BMPR1B: variants seen among roughly 807,000 people sequenced by gnomAD.
BMPR1B encodes the protein bone morphogenetic protein receptor type 1B, also known as bone morphogenetic protein receptor type-1B.
A neutral mutation model predicts 59.1 loss-of-function variants in BMPR1B; 12 were observed. That is an observed-to-expected ratio of 0.20 (90% CI 0.13 to 0.33). The LOEUF (loss-of-function observed/expected upper bound fraction) is 0.33, where lower values mean the gene tolerates loss of function less well. Among genes scored for constraint, BMPR1B ranks in the 10% least tolerant of loss-of-function variants. The pLI is 1.00. For missense variants in BMPR1B, 550 were observed against 610.9 expected, an observed-to-expected ratio of 0.90 and a Z score of 1.05; for synonymous variants, 237 against 207.3, an observed-to-expected ratio of 1.14 and a Z score of -1.23.
intron 2 of BMPR1B, among the ~76,000 whole-genome samples, chr4:94,988,094 A>G (rs1002295470): frequency 6.6e-6 from 1 of 152,294 alleles, no homozygotes; most frequent in East Asian, 1.9e-4. Flanking sequence ...ACTTACAGGT[A>G]TATGATGATT....
At chr4:94,826,951 CATA>C (rs573219206) in intron 1 of BMPR1B, among the ~76,000 whole-genome samples, 83 of 152,132 alleles carry the variant, frequency 5.5e-4, no homozygotes, top group Non-Finnish European at 8.8e-4. Flanking sequence ...AAACTTGCAG[CATA>C]ATACTACTTT....
At chr4:95,132,690 A>T (rs528809202) in intron 10 of BMPR1B, among the ~76,000 whole-genome samples, 1 of 152,130 alleles carries the variant, frequency 6.6e-6, no homozygotes, top group East Asian at 1.9e-4. Flanking sequence ...ATGCTTCTTA[A>T]ATTACCAGCC....
At chr4:94,857,880 T>C (rs961764920) in intron 1 of BMPR1B, among the ~76,000 whole-genome samples, 1 of 152,256 alleles carries the variant, frequency 6.6e-6, no homozygotes, top group African/African-American at 2.4e-5. Context: ...GACAAAAATA[T>C]ATTTTTGAAA....
intron 1 of BMPR1B, among the ~76,000 whole-genome samples, chr4:94,851,928 G>C (rs115206019): frequency 6.6e-6 from 1 of 152,100 alleles, no homozygotes; most frequent in South Asian, 2.1e-4. Context: ...CGTACACTCA[G>C]TGCCTGGCAT....
At chr4:95,114,533 T>C (rs1222784190) in intron 4 of BMPR1B, among the ~76,000 whole-genome samples, 187 bp from the exon 5 acceptor site, 3 of 152,188 alleles carry the variant, frequency 2.0e-5, no homozygotes, top group African/African-American at 7.2e-5. Flanking sequence ...TTTTTATGTT[T>C]ATTAAATCCA....
chr4:95,094,755 G>A (rs946527679), intron 3 of BMPR1B, among the ~76,000 whole-genome samples: 1 of 152,060 alleles, frequency 6.6e-6, no homozygotes, highest in Non-Finnish European at 1.5e-5. Context: ...CCACTGCTCA[G>A]TGACCATACC....
chr4:94,820,293 A>G (rs1388054973), intron 1 of BMPR1B, among the ~76,000 whole-genome samples: 1 of 152,208 alleles, frequency 6.6e-6, no homozygotes, highest in Non-Finnish European at 1.5e-5. Context: ...ATCAGTTATT[A>G]TTAAATGAAC....
At chr4:95,050,724 A>G (rs1726439035) in intron 3 of BMPR1B, among the ~76,000 whole-genome samples, 1 of 152,234 alleles carries the variant, frequency 6.6e-6, no homozygotes, top group South Asian at 2.1e-4. Flanking sequence ...CCTTTATCAG[A>G]CAAACTGATG....
intron 3 of BMPR1B, among the ~76,000 whole-genome samples, chr4:95,073,302 C>A (rs1227365206): frequency 6.6e-6 from 1 of 152,152 alleles, no homozygotes; most frequent in Non-Finnish European, 1.5e-5. Flanking sequence ...AACTAGGAAA[C>A]ATTCAAGGCT....
intron 6 of BMPR1B, among the ~76,000 whole-genome samples, chr4:95,120,610 T>TTTCCTTCCTTTCTTCCTTCC (rs1553940470): frequency 2.4e-5 from 3 of 122,586 alleles, no homozygotes; most frequent in African/African-American, 8.9e-5. Flanking sequence ...ATAGCCTGCC[T>TTTCCTTCCTTTCTTCCTTCC]TTCCTTCCTT....
chr4:94,932,475 A>G (rs748697526), intron 2 of BMPR1B, among the ~76,000 whole-genome samples: 3 of 152,194 alleles, frequency 2.0e-5, no homozygotes, highest in Admixed American at 2.0e-4. Context: ...ATGCTATTTT[A>G]AAAAACTTGC....
At chr4:95,041,624 T>G (rs1205110815) in intron 3 of BMPR1B, among the ~76,000 whole-genome samples, 1 of 151,606 alleles carries the variant, frequency 6.6e-6, no homozygotes, top group Non-Finnish European at 1.5e-5. Context: ...TTTTTTTTTT[T>G]GGCCCCAGAT....
intron 3 of BMPR1B, among the ~76,000 whole-genome samples, chr4:95,077,728 A>T (rs1025795556): frequency 6.6e-6 from 1 of 152,210 alleles, no homozygotes; most frequent in Non-Finnish European, 1.5e-5. Context: ...TATTAAATGT[A>T]TGCCAGTTTT....
intron 2 of BMPR1B, among the ~76,000 whole-genome samples, chr4:94,928,732 A>G (rs1728984666): frequency 6.6e-6 from 1 of 152,010 alleles, no homozygotes; most frequent in African/African-American, 2.4e-5. Context: ...ATTTTTGCTC[A>G]TTGGTCTTTG....
At chr4:94,970,292 T>A in intron 2 of BMPR1B, among the ~76,000 whole-genome samples, 1 of 47,462 alleles carries the variant, frequency 2.1e-5, no homozygotes, top group Non-Finnish European at 5.4e-5. Flanking sequence ...TTCTCTTCTC[T>A]TCTCTTCTCT....
intron 3 of BMPR1B, among the ~76,000 whole-genome samples, chr4:95,009,952 C>T (rs4699828): frequency 0.96 from 145,550 of 152,254 alleles, 69,602 homozygotes; most frequent in Middle Eastern, 0.99. Context: ...TACAACCGAG[C>T]GAGACCAAAT....
At chr4:95,012,393 CAGAA>C (rs1180692231) in intron 3 of BMPR1B, among the ~76,000 whole-genome samples, 1 of 152,110 alleles carries the variant, frequency 6.6e-6, no homozygotes, top group East Asian at 1.9e-4. Flanking sequence ...TTACGTCTGT[CAGAA>C]GGAAGGTGTG....
intron 2 of BMPR1B, among the ~76,000 whole-genome samples, chr4:94,948,422 C>T (rs1312244729): frequency 7.2e-5 from 11 of 152,160 alleles, no homozygotes; most frequent in Non-Finnish European, 1.6e-4. Context: ...CAGAAATTCT[C>T]AGGTTTCCAA....
chr4:95,072,264 G>A (rs1488068663), intron 3 of BMPR1B, among the ~76,000 whole-genome samples: 3 of 152,168 alleles, frequency 2.0e-5, no homozygotes, highest in Non-Finnish European at 4.4e-5. Context: ...GCTTTACCCA[G>A]TCTATAGATT....
Sources: gnomAD v4.1 joint callset for allele counts (sites outside exome capture counted in the v4.1 genomes callset) on GRCh38, gnomAD v4.1.1 for gene constraint, MANE v1.5 for transcripts, NCBI Gene and HGNC (gene_info 2026-07-23, HGNC 2026-07-21) for gene names.